The following COG5 variants were observed in gnomAD, a reference collection of about 807,000 sequenced individuals.
The protein encoded by COG5 is component of oligomeric golgi complex 5.
COG5 carries 86 observed loss-of-function variants against 110.4 expected under a neutral mutation model. That is an observed-to-expected ratio of 0.78 (90% CI 0.65 to 0.93). The LOEUF (loss-of-function observed/expected upper bound fraction) is 0.93, where lower values mean the gene tolerates loss of function less well. Ranked by LOEUF, COG5 falls within the 40% of genes least tolerant of loss-of-function variation. The pLI is 0.00. For missense variants in COG5, 1,077 were observed against 987.0 expected, an observed-to-expected ratio of 1.09 and a Z score of -1.22; for synonymous variants, 360 against 334.6, an observed-to-expected ratio of 1.08 and a Z score of -0.83.
chr7:107,260,096 A>ATATATATATATATATATAT, intron 14 of COG5, among the ~76,000 whole-genome samples: 14 of 148,298 alleles, frequency 9.4e-5, no homozygotes, highest in South Asian at 2.1e-4. Flanking sequence ...ATATATATGA[A>ATATATATATATATATATAT]ATAAAAACAT....
intron 14 of COG5, among the ~76,000 whole-genome samples, chr7:107,268,126 G>A (rs140646479): frequency 0.032 from 4,827 of 152,030 alleles, 242 homozygotes; most frequent in African/African-American, 0.11. Flanking sequence ...GCACCACCAC[G>A]CCTGGCTAAT....
At chr7:107,407,601 C>A (rs1584783496) in intron 7 of COG5, among the ~76,000 whole-genome samples, 2 of 144,804 alleles carry the variant, frequency 1.4e-5, no homozygotes, top group African/African-American at 2.5e-5. Context: ...TAATAAATAA[C>A]ATTATTAAGC....
At chr7:107,404,355 T>G (rs1429783719) in intron 7 of COG5, among the ~76,000 whole-genome samples, 1 of 152,238 alleles carries the variant, frequency 6.6e-6, no homozygotes, top group Non-Finnish European at 1.5e-5. Flanking sequence ...ATAAACTAAG[T>G]GCGTAATCAT....
At chr7:107,301,835 C>CT (rs1807294183) in intron 11 of COG5, among the ~76,000 whole-genome samples, 1 of 151,998 alleles carries the variant, frequency 6.6e-6, no homozygotes, top group Non-Finnish European at 1.5e-5. Flanking sequence ...TGCCACTGCA[C>CT]TCCAGCCTGG....
intron 11 of COG5, among the ~76,000 whole-genome samples, chr7:107,323,988 T>G (rs2395858): frequency 0.064 from 9,725 of 152,248 alleles, 398 homozygotes; most frequent in Non-Finnish European, 0.095. Flanking sequence ...TGACCAACTT[T>G]TAATTCACGA....
intron 8 of COG5, among the ~76,000 whole-genome samples, chr7:107,364,609 A>ACGTTTAATACCAGGCAGTAGAAG (rs1813432478): frequency 6.6e-6 from 1 of 152,156 alleles, no homozygotes; most frequent in South Asian, 2.1e-4. Flanking sequence ...CTCCAAACTG[A>ACGTTTAATACCAGGCAGTAGAAG]CGTTTAATAC....
At chr7:107,435,422 G>A (rs927098240) in intron 6 of COG5, among the ~76,000 whole-genome samples, 1 of 152,152 alleles carries the variant, frequency 6.6e-6, no homozygotes, top group Non-Finnish European at 1.5e-5. Flanking sequence ...GGAGGCCAAG[G>A]TAGGTGGATC....
At chr7:107,557,257 CTA>C (rs962397054) in intron 2 of COG5, among the ~76,000 whole-genome samples, 2 of 152,102 alleles carry the variant, frequency 1.3e-5, no homozygotes, top group Non-Finnish European at 1.5e-5. Context: ...GGTAAACAAT[CTA>C]TGTTTCATGC....
chr7:107,415,340 C>T (rs1383772253), intron 6 of COG5, among the ~76,000 whole-genome samples: 2 of 151,964 alleles, frequency 1.3e-5, no homozygotes, highest in East Asian at 3.9e-4. Context: ...AAATAATTAG[C>T]TGAAAAAGAC....
At chr7:107,229,839 GTTTTTGTTTTTTT>G (rs1441352143) in intron 19 of COG5, among the ~76,000 whole-genome samples, 34 of 142,790 alleles carry the variant, frequency 2.4e-4, no homozygotes, top group Admixed American at 5.5e-4. Flanking sequence ...TTTTTTTTTG[GTTTTTGTTTTTTT>G]TTTTTGTTTT....
intron 7 of COG5, among the ~76,000 whole-genome samples, chr7:107,382,196 TAACAGG>T (rs2129053359): frequency 1.3e-5 from 2 of 152,264 alleles, no homozygotes; most frequent in Admixed American, 1.3e-4. Flanking sequence ...TGTCCCTTTC[TAACAGG>T]TCCAGGAGCT....
At chr7:107,380,796 C>G (rs1563000293) in intron 7 of COG5, among the ~76,000 whole-genome samples, 1 of 152,142 alleles carries the variant, frequency 6.6e-6, no homozygotes, top group Non-Finnish European at 1.5e-5. Context: ...GGATTCCTCC[C>G]TAACTCATTT....
At chr7:107,258,490 C>A (rs534291008) in intron 14 of COG5, 107 bp from the exon 15 acceptor site, 14 of 759,616 alleles carry the variant, frequency 1.8e-5, no homozygotes, top group Non-Finnish European at 2.6e-5. Context: ...ATTCTTTAAC[C>A]GGGGAGAAGT....
At chr7:107,374,656 T>C (rs953816964) in intron 7 of COG5, among the ~76,000 whole-genome samples, 1 of 152,074 alleles carries the variant, frequency 6.6e-6, no homozygotes, top group Admixed American at 6.5e-5. Context: ...CTGAAATCTA[T>C]TGGCATTATT....
At chr7:107,506,812 T>C (rs910106296) in intron 6 of COG5, among the ~76,000 whole-genome samples, 2 of 152,212 alleles carry the variant, frequency 1.3e-5, no homozygotes, top group Non-Finnish European at 2.9e-5. Context: ...TACAGGACAC[T>C]TGCCACTCAC....
intron 18 of COG5, among the ~76,000 whole-genome samples, chr7:107,234,239 GCTT>G (rs1477694566): frequency 6.6e-6 from 1 of 152,152 alleles, no homozygotes; most frequent in African/African-American, 2.4e-5. Flanking sequence ...GTGTGTAAAT[GCTT>G]CTTCTATGTT....
At chr7:107,537,392 C>T (rs1028543381) in intron 5 of COG5, among the ~76,000 whole-genome samples, 12 of 152,056 alleles carry the variant, frequency 7.9e-5, no homozygotes, top group African/African-American at 2.4e-4. Context: ...ATATACACCA[C>T]GGAATACTAT....
At chr7:107,480,193 TA>T (rs565878611) in intron 6 of COG5, among the ~76,000 whole-genome samples, 1 of 152,262 alleles carries the variant, frequency 6.6e-6, no homozygotes, top group Admixed American at 6.5e-5. Context: ...AATTAAAAAT[TA>T]AAATTTTTAA....
intron 6 of COG5, among the ~76,000 whole-genome samples, chr7:107,487,412 G>C (rs988666197): frequency 6.6e-6 from 1 of 151,970 alleles, no homozygotes; most frequent in Non-Finnish European, 1.5e-5. Context: ...ATGTTGCCCA[G>C]GCTGATCTCC....
Sources: allele counts gnomAD v4.1 joint callset (sites outside exome capture counted in the v4.1 genomes callset), GRCh38; gene constraint gnomAD v4.1.1; transcripts MANE v1.5; gene names NCBI Gene and HGNC (gene_info 2026-07-23, HGNC 2026-07-21).